The following CLEC2A variants were observed in gnomAD, a reference collection of about 807,000 sequenced individuals.
The protein encoded by CLEC2A is C-type lectin domain family 2 member A, also known as keratinocyte-associated C-type lectin.
A neutral mutation model predicts 18.6 loss-of-function variants in CLEC2A; 19 were observed. That is an observed-to-expected ratio of 1.02 (90% CI 0.71 to 1.50). The LOEUF (loss-of-function observed/expected upper bound fraction) is 1.50. Among genes scored for constraint, CLEC2A ranks in the 40% most tolerant of loss-of-function variants. The pLI is 0.00. For missense variants in CLEC2A, 190 were observed against 207.9 expected (o/e 0.91, Z 0.53); for synonymous variants, 74 against 64.0 (o/e 1.16, Z -0.75).
intron 4 of CLEC2A, among the ~76,000 whole-genome samples, chr12:9,902,654 AAAAG>A (rs777226105): frequency 7.4e-4 from 113 of 152,030 alleles, no homozygotes; most frequent in African/African-American, 2.7e-3. Context: ...GAAAAAAAAA[AAAAG>A]AAAGAAACAA....
chr12:9,902,822 T>A (rs1377743529), intron 4 of CLEC2A, among the ~76,000 whole-genome samples: 1 of 152,150 alleles, frequency 6.6e-6, no homozygotes, highest in Non-Finnish European at 1.5e-5. Flanking sequence ...ATGCAGTCCC[T>A]GCTTCTGTAT....
intron 4 of CLEC2A, 28 bp from the exon 5 acceptor site, chr12:9,913,708 G>A (rs1863023651): frequency 7.2e-7 from 1 of 1,398,104 alleles, no homozygotes; most frequent in East Asian, 2.5e-5. Flanking sequence ...AAATCAGTCT[G>A]GGAACCACTT....
At chr12:9,911,554 C>T (rs577680489), downstream of CLEC2A, among the ~76,000 whole-genome samples, 1 of 152,284 alleles carries the variant, frequency 6.6e-6, no homozygotes, top group South Asian at 2.1e-4. Flanking sequence ...CATAATTTAG[C>T]TCACCTATTT....
intron 2 of CLEC2A, among the ~76,000 whole-genome samples, chr12:9,925,788 A>G (rs912961807): frequency 6.6e-5 from 10 of 152,190 alleles, no homozygotes; most frequent in Admixed American, 1.3e-4. Context: ...ACCGAAAGTC[A>G]CCAGATCACC....
chr12:9,882,281 G>A, the CLEC2A span, among the ~76,000 whole-genome samples: 1 of 152,170 alleles, frequency 6.6e-6, no homozygotes, highest in South Asian at 2.1e-4. Flanking sequence ...TCTGCCATAT[G>A]TATTGAACAT....
downstream of CLEC2A, chr12:9,898,616 A>G (rs1053749391): frequency 2.2e-5 from 7 of 318,716 alleles, no homozygotes; most frequent in Admixed American, 4.4e-5. Flanking sequence ...TATTTAAAAC[A>G]TTTCATAATA....
chr12:9,884,385 G>A, the CLEC2A span, among the ~76,000 whole-genome samples: 1 of 151,782 alleles, frequency 6.6e-6, no homozygotes, highest in African/African-American at 2.4e-5. Context: ...TATTACAGGT[G>A]TAAGGTGAAA....
chr12:9,904,960 G>C (rs1862886399), intron 4 of CLEC2A, among the ~76,000 whole-genome samples: 1 of 152,120 alleles, frequency 6.6e-6, no homozygotes, highest in Admixed American at 6.6e-5. Flanking sequence ...ACTCAATACG[G>C]TATGGACATA....
At chr12:9,923,592 G>T (rs1863210992) in intron 2 of CLEC2A, among the ~76,000 whole-genome samples, 1 of 152,110 alleles carries the variant, frequency 6.6e-6, no homozygotes, top group Non-Finnish European at 1.5e-5. Context: ...ATACCCGAAG[G>T]ATTATAAATC....
intron 4 of CLEC2A, among the ~76,000 whole-genome samples, chr12:9,904,895 A>G (rs1442920005): frequency 6.6e-6 from 1 of 152,190 alleles, no homozygotes; most frequent in East Asian, 1.9e-4. Flanking sequence ...GGTCTGCCAA[A>G]CATCTGTCCA....
At chr12:9,888,483 C>T in the CLEC2A span, among the ~76,000 whole-genome samples, 1 of 149,958 alleles carries the variant, frequency 6.7e-6, no homozygotes, top group Non-Finnish European at 1.5e-5. Flanking sequence ...GAGTGAGACT[C>T]TGTCTCAAAA....
Sources: gnomAD v4.1 joint callset for allele counts (sites outside exome capture counted in the v4.1 genomes callset) on GRCh38, gnomAD v4.1.1 for gene constraint, MANE v1.5 for transcripts, NCBI Gene and HGNC (gene_info 2026-07-23, HGNC 2026-07-21) for gene names.